The following SERPIND1 variants were observed in gnomAD, a reference collection of about 807,000 sequenced individuals.
SERPIND1 encodes the protein serpin family D member 1.
Under a neutral mutation model 35.0 loss-of-function variants are expected in SERPIND1, and 34 were observed. The observed-to-expected ratio is 0.97, with a 90% confidence interval of 0.74 to 1.29. SERPIND1 has a LOEUF of 1.29. Ranked by LOEUF, SERPIND1 falls within the 50% of genes most tolerant of loss-of-function variation. The probability of loss-of-function intolerance (pLI) is 0.00; values close to 1 mark genes in which losing one functional copy is unlikely to be tolerated. For missense variants in SERPIND1, 633 were observed against 637.7 expected (o/e 0.99, Z 0.08); for synonymous variants, 236 against 241.1 (o/e 0.98, Z 0.19).
intron 2 of SERPIND1, among the ~76,000 whole-genome samples, chr22:20,782,183 C>T (rs1016783036): frequency 6.6e-6 from 1 of 152,188 alleles, no homozygotes; most frequent in Non-Finnish European, 1.5e-5. Flanking sequence ...AGAGCCTCTG[C>T]ATTAGCCCTG....
chr22:20,777,745 AT>A (rs1933419763), intron 1 of SERPIND1, among the ~76,000 whole-genome samples: 1 of 152,218 alleles, frequency 6.6e-6, no homozygotes, highest in South Asian at 2.1e-4. Flanking sequence ...CTGGCAAAAC[AT>A]GGAATCATCA....
chr22:20,785,636 G>A (rs966770082), intron 3 of SERPIND1, among the ~76,000 whole-genome samples: 2 of 151,842 alleles, frequency 1.3e-5, no homozygotes, highest in Non-Finnish European at 1.5e-5. Context: ...CCAGATATTC[G>A]ACTCCTTAAT....
At chr22:20,778,591 G>T (rs188596872) in intron 1 of SERPIND1, among the ~76,000 whole-genome samples, 1 of 152,178 alleles carries the variant, frequency 6.6e-6, no homozygotes, top group Non-Finnish European at 1.5e-5. Context: ...CAAATTTCAA[G>T]TATCTTTAGA....
intron 1 of SERPIND1, among the ~76,000 whole-genome samples, chr22:20,777,742 A>G (rs979952109): frequency 6.6e-6 from 1 of 152,206 alleles, no homozygotes; most frequent in Non-Finnish European, 1.5e-5. Context: ...GTCCTGGCAA[A>G]ACATGGAATC....
At position 20,779,617 on chromosome 22, in the gene SERPIND1, C is replaced by T; in HGVS notation, c.305C>T (p.Ser102Phe). Residue 102 changes from serine to phenylalanine, a missense_variant, in exon 2 of 5, where the codon TCC becomes TTC. Coordinates refer to ENST00000215727, the MANE Select transcript of SERPIND1 (RefSeq NM_000185.4). ...GACATCGTCGACAGTCTGTCAGTTT[C>T]CCCGACAGACTCTGATGTGAGTGCT... is the stretch of plus-strand genomic sequence containing the variant. ...YIDIVDSLSVSPTDSDVSAGN... is the reference protein window; with the variant it reads ...YIDIVDSLSVFPTDSDVSAGN... 4 of 1,614,158 alleles carry T rather than the reference C, an allele frequency of 2.5e-6. No individual in the cohort carries two copies. Among genetic ancestry groups the T allele is most frequent in the Non-Finnish European group, 3.4e-6 (4 of 1,179,966 alleles).
chr22:20,776,679 G>T (rs1484734659), intron 1 of SERPIND1, among the ~76,000 whole-genome samples: 1 of 152,122 alleles, frequency 6.6e-6, no homozygotes, highest in Admixed American at 6.5e-5. Flanking sequence ...GGGCTTAGAG[G>T]CTTAACCAAC....
intron 3 of SERPIND1, among the ~76,000 whole-genome samples, chr22:20,785,583 T>C (rs1277310474): frequency 2.6e-5 from 4 of 152,232 alleles, no homozygotes; most frequent in African/African-American, 7.2e-5. Context: ...ATATTCAGCA[T>C]TGTCTAGTAT....
chr22:20,783,563 G>C (rs1385312016), intron 2 of SERPIND1, among the ~76,000 whole-genome samples: 1 of 152,168 alleles, frequency 6.6e-6, no homozygotes, highest in East Asian at 1.9e-4. Flanking sequence ...GCTGCAGTGA[G>C]CTATGATGGC....
chr22:20,784,072 G>T lies in SERPIND1; in HGVS notation c.990G>T (p.Gly330=), dbSNP rs777742664. The T allele has an allele frequency of 6.2e-7, 1 of 1,614,150 alleles. No individual in the cohort carries two copies. The highest frequency in any genetic ancestry group is 1.7e-5 in the Admixed American group (1 of 60,030). ...AGGTTTCCATGATGCAGACCAAGGG[G>T]AACTTCCTCGCAGCAAATGACCAGG... The part of the protein sequence containing the change: ...VVKVSMMQTK[G]NFLAANDQEL... Residue 330 remains glycine, a synonymous_variant, in exon 3 of 5, where the codon GGG becomes GGT. Transcript: ENST00000215727.
rs771236487 is a variant in SERPIND1, at chr22:20,780,077, C to T, written c.765C>T (p.Asp255=). The T allele has an allele frequency of 1.4e-5, 22 of 1,614,120 alleles. No individual in the cohort carries two copies. Among genetic ancestry groups the T allele is most frequent in the Admixed American group, 1.0e-4 (6 of 60,000 alleles). The part of the protein sequence containing the change: ...FAEAQIADFS[D]PAFISKTNNH... ...AGGCCCAGATAGCTGACTTCTCAGA[C>T]CCTGCCTTCATATCAAAAACCAACA... Residue 255 remains aspartate (D), a synonymous_variant, in exon 2 of 5, where the codon GAC becomes GAT. Transcript: ENST00000215727.
At chr22:20,779,171 A>G in intron 1 of SERPIND1, 126 bp from the exon 2 acceptor site, 1 of 1,556,974 alleles carries the variant, frequency 6.4e-7, no homozygotes, top group African/African-American at 1.4e-5. Context: ...ATCCTAAAAC[A>G]GTTAAGAACT....
At chr22:20,786,424 G>T (rs200385824) in intron 4 of SERPIND1, among the ~76,000 whole-genome samples, 1 of 152,330 alleles carries the variant, frequency 6.6e-6, no homozygotes, top group African/African-American at 2.4e-5. Flanking sequence ...GGGGAGACAT[G>T]TGCTGCGGTC....
intron 1 of SERPIND1, chr22:20,779,040 G>A (rs1933529731): frequency 1.3e-6 from 1 of 755,868 alleles, no homozygotes; most frequent in Non-Finnish European, 2.0e-6. Flanking sequence ...TAGAAGGTTA[G>A]TTTTGCAAAC....
intron 2 of SERPIND1, among the ~76,000 whole-genome samples, chr22:20,782,110 C>A (rs955967464): frequency 2.0e-5 from 3 of 152,206 alleles, no homozygotes; most frequent in African/African-American, 7.2e-5. Flanking sequence ...CTGGCAGAAG[C>A]ATTTTTGGCA....
intron 2 of SERPIND1, 115 bp downstream of exon 2, chr22:20,780,316 C>T (rs1933669886): frequency 6.7e-7 from 1 of 1,501,090 alleles, no homozygotes. Context: ...GAAAACTAGA[C>T]ACAAGATTGA....
intron 4 of SERPIND1, among the ~76,000 whole-genome samples, chr22:20,786,527 A>G (rs1569032476): frequency 1.3e-5 from 2 of 152,170 alleles, no homozygotes; most frequent in East Asian, 1.9e-4. Context: ...CGCTCAGCAA[A>G]AGAGAGAGAA....
chr22:20,778,589 A>C (rs1027534154), intron 1 of SERPIND1, among the ~76,000 whole-genome samples: 10 of 152,202 alleles, frequency 6.6e-5, no homozygotes, highest in Non-Finnish European at 1.2e-4. Flanking sequence ...CACAAATTTC[A>C]AGTATCTTTA....
At position 20,783,960 on chromosome 22, in the gene SERPIND1, T is replaced by C; in HGVS notation, c.890-12T>C. 1.2e-6 allele frequency: 2 copies of C among 1,614,204 alleles called. No homozygotes were observed. Among genetic ancestry groups the C allele is most frequent in the East Asian group, 2.2e-5 (1 of 44,888 alleles). On this transcript the variant is annotated splice_polypyrimidine_tract_variant and intron_variant, in intron 2 of 4. Transcript: ENST00000215727. ...ACCTTCTCATAACAGCCTCTTCCTG[T>C]GGCCTTTACAGGATCCTGGGTGAAT...
intron 1 of SERPIND1, among the ~76,000 whole-genome samples, chr22:20,777,217 T>G (rs1057323446): frequency 3.3e-5 from 5 of 151,348 alleles, no homozygotes; most frequent in African/African-American, 7.3e-5. Flanking sequence ...TATTTTTCTT[T>G]TCTTTTTTTT....
Sources: allele counts gnomAD v4.1 joint callset (sites outside exome capture counted in the v4.1 genomes callset), GRCh38; gene constraint gnomAD v4.1.1; transcripts MANE v1.5; gene names NCBI Gene and HGNC (gene_info 2026-07-23, HGNC 2026-07-21).